MAMLD1: variants seen among roughly 807,000 people sequenced by gnomAD.
MAMLD1 encodes the protein mastermind-like domain-containing protein 1.
In MAMLD1, 14 loss-of-function variants were observed where a neutral mutation model predicts 45.0. That is an observed-to-expected ratio of 0.31 (90% CI 0.21 to 0.49). The LOEUF is 0.49. Among genes scored for constraint, MAMLD1 ranks in the 20% least tolerant of loss-of-function variants. The pLI is 0.99. For missense variants in MAMLD1, 543 were observed against 603.6 expected (o/e 0.90, Z 1.05); for synonymous variants, 254 against 247.8 (o/e 1.02, Z -0.24).
intron 2 of MAMLD1, among the ~76,000 whole-genome samples, chrX:150,454,389 G>GT (rs1275411268): frequency 4.2e-4 from 47 of 111,058 alleles, no homozygotes; most frequent in African/African-American, 1.3e-3. Flanking sequence ...CCATCCTTTT[G>GT]TTTTTTTTAG....
At chrX:150,431,452 G>A (rs914829115) in intron 1 of MAMLD1, among the ~76,000 whole-genome samples, 1 of 108,447 alleles carries the variant, frequency 9.2e-6, no homozygotes, top group Non-Finnish European at 1.9e-5. Flanking sequence ...GTACATGTGC[G>A]GGTTTGATAT....
Position 150,405,370 on chromosome X carries a change from T to A in MAMLD1, c.-63-40084T>A, listed in dbSNP as rs1557402632. ...GGGAATAGGGGGCCATCAAAAGGAGTCAAACTAGGTCCTTTGAGGGGAAGG... is the reference window on the plus strand; with the variant it reads ...GGGAATAGGGGGCCATCAAAAGGAGACAAACTAGGTCCTTTGAGGGGAAGG... On this transcript the variant is annotated intron_variant, in intron 1 of 7. Transcript: ENST00000370401. Among the ~76,000 whole-genome samples the A allele has an allele frequency of 8.9e-3, 972 of 109,312 alleles. 2 individuals are homozygous for A. The highest frequency in any genetic ancestry group is 0.014 in the Middle Eastern group (3 of 213). 94.9% of individuals were successfully genotyped at this position (109,312 alleles called of 115,157 possible). A position where few individuals can be genotyped will look rare whatever the true frequency, so the allele number is the denominator to read the frequency against.
At chrX:150,426,903 A>C (rs1557403840) in intron 1 of MAMLD1, among the ~76,000 whole-genome samples, 2 of 112,062 alleles carry the variant, frequency 1.8e-5, no homozygotes, top group African/African-American at 6.5e-5. Flanking sequence ...GTCATAACAA[A>C]ATATTAAAAC....
chrX:150,503,150 A>G, intron 5 of MAMLD1, 124 bp from the exon 6 acceptor site: 3 of 618,807 alleles, frequency 4.8e-6, no homozygotes, highest in Non-Finnish European at 8.5e-6. Flanking sequence ...CGTTCCACCA[A>G]AGCAGTTGGT....
At chrX:150,509,672 C>A in intron 6 of MAMLD1, 1 of 347,905 alleles carries the variant, frequency 2.9e-6, no homozygotes, top group Admixed American at 4.6e-5. Context: ...AGATGGACAT[C>A]CAAAATGCCT....
At chrX:150,388,281 T>C (rs781914748) in intron 1 of MAMLD1, among the ~76,000 whole-genome samples, 5 of 112,199 alleles carry the variant, frequency 4.5e-5, no homozygotes, top group African/African-American at 6.5e-5. Flanking sequence ...TTTTTGCATC[T>C]ATATTCATGA....
intron 5 of MAMLD1, among the ~76,000 whole-genome samples, chrX:150,488,115 A>G (rs782294876): frequency 6.7e-4 from 76 of 112,747 alleles, no homozygotes; most frequent in African/African-American, 2.4e-3. Flanking sequence ...TCTACAGCCA[A>G]CTTTTTCATG....
rs1557400924 is a variant in MAMLD1, at chrX:150,369,847, G to GTTT, written c.-64+6324_-64+6326dup. 3.8e-5 allele frequency among the ~76,000 whole-genome samples: 4 copies of GTTT among 104,456 alleles called. No homozygotes were observed. In the Admixed American group the frequency reaches 4.2e-4, roughly 11 times the overall value. The allele number at this position is 104,456 out of a possible 115,157, so 90.7% of individuals were successfully genotyped here. ...CTTTTCTTTTCTTCCTAATCCAGCT[G>GTTT]TTTTTTTTTAAATCACATTTCCAAC... On this transcript the variant is annotated intron_variant, in intron 1 of 7. Coordinates refer to ENST00000370401, the MANE Select transcript of MAMLD1 (RefSeq NM_005491.5).
chrX:150,390,087 G>C (rs889559227), intron 1 of MAMLD1, among the ~76,000 whole-genome samples: 2 of 110,893 alleles, frequency 1.8e-5, no homozygotes, highest in African/African-American at 6.6e-5. Flanking sequence ...TTGTTTTTTT[G>C]AGACAAATTT....
chrX:150,496,658 C>T (rs1361574533), intron 5 of MAMLD1, among the ~76,000 whole-genome samples: 1 of 112,111 alleles, frequency 8.9e-6, no homozygotes, highest in Non-Finnish European at 1.9e-5. Flanking sequence ...CCTTGATGCC[C>T]TTCCTCTTTT....
chrX:150,457,317 G>A (rs1470804883), intron 2 of MAMLD1, among the ~76,000 whole-genome samples: 1 of 112,091 alleles, frequency 8.9e-6, no homozygotes, highest in Non-Finnish European at 1.9e-5. Context: ...CCAGTCTGGA[G>A]ATCAGCTTTG....
At chrX:150,481,853 A>G (rs782271880) in intron 5 of MAMLD1, among the ~76,000 whole-genome samples, 169 of 106,865 alleles carry the variant, frequency 1.6e-3, no homozygotes, top group Non-Finnish European at 2.8e-3. Flanking sequence ...AAAGAAAGAA[A>G]GAAAGAGAGA....
intron 4 of MAMLD1, among the ~76,000 whole-genome samples, chrX:150,472,995 C>T (rs899419924): frequency 6.2e-5 from 7 of 112,259 alleles, no homozygotes; most frequent in Non-Finnish European, 1.3e-4. Context: ...TGCTCTGAGT[C>T]GTCTTGCTAA....
At position 150,398,127 on chromosome X, in the gene MAMLD1, C is replaced by T. The variant is rs782696898; in HGVS notation, c.-64+34597C>T. ...GCAACAGTTCTGCCAGGTTCCAGCA[C>T]ACACAGACTGAAGGGTAAAATTTTT... On this transcript the variant is annotated intron_variant, in intron 1 of 7. Transcript: ENST00000370401. Among the ~76,000 whole-genome samples, 7 of 108,791 alleles carry T rather than the reference C, an allele frequency of 6.4e-5. No individual in the cohort carries two copies. In the Admixed American group the frequency reaches 7.0e-4, roughly 11 times the overall value. The allele number at this position is 108,791 out of a possible 115,157, so 94.5% of individuals were successfully genotyped here.
chrX:150,457,738 A>C (rs1307420726), intron 2 of MAMLD1, among the ~76,000 whole-genome samples: 1 of 111,951 alleles, frequency 8.9e-6, no homozygotes, highest in Non-Finnish European at 1.9e-5. Flanking sequence ...CACATATTGT[A>C]TGATCCCATT....
intron 5 of MAMLD1, among the ~76,000 whole-genome samples, chrX:150,481,961 G>GA (rs782400132): frequency 6.9e-5 from 4 of 58,229 alleles, no homozygotes; most frequent in East Asian, 5.4e-4. Context: ...AAGAAAGAAA[G>GA]AAAAAAGAAA....
At chrX:150,455,001 C>A (rs1396701135) in intron 2 of MAMLD1, among the ~76,000 whole-genome samples, 1 of 111,872 alleles carries the variant, frequency 8.9e-6, no homozygotes, top group Non-Finnish European at 1.9e-5. Context: ...CTCTCTCTAT[C>A]TCTCTCTCAT....
chrX:150,503,141 G>C (rs182821517), intron 5 of MAMLD1, 133 bp from the exon 6 acceptor site: 1 of 589,602 alleles, frequency 1.7e-6, no homozygotes, highest in African/African-American at 2.2e-5. Context: ...GTTTGGTTTC[G>C]TTCCACCAAA....
intron 1 of MAMLD1, among the ~76,000 whole-genome samples, chrX:150,398,293 G>GAAGAAGAAGAAC (rs2033547542): frequency 2.3e-5 from 2 of 87,682 alleles, no homozygotes; most frequent in African/African-American, 8.8e-5. Flanking sequence ...AGAAGAAGAA[G>GAAGAAGAAGAAC]AAGAAGAAGA....
Sources: allele counts gnomAD v4.1 joint callset (sites outside exome capture counted in the v4.1 genomes callset), GRCh38; gene constraint gnomAD v4.1.1; transcripts MANE v1.5; gene names NCBI Gene and HGNC (gene_info 2026-07-23, HGNC 2026-07-21).